The following LMO7 variants were observed in gnomAD, a reference collection of about 807,000 sequenced individuals.
The protein encoded by LMO7 is LIM domain only protein 7.
LMO7 carries 120 observed loss-of-function variants against 206.5 expected under a neutral mutation model. The ratio of observed to expected loss-of-function variants is 0.58; its 90% confidence interval spans 0.50 to 0.68. The LOEUF (loss-of-function observed/expected upper bound fraction) is 0.68, where lower values mean the gene tolerates loss of function less well. LMO7 is among the 30% of genes least tolerant of loss of function. LMO7 has a pLI of 0.00. For synonymous variants in LMO7, 706 were observed against 681.5 expected, an observed-to-expected ratio of 1.04 and a Z score of -0.56; for missense variants, 1,959 against 1,957.9, an observed-to-expected ratio of 1.00 and a Z score of -0.01.
At chr13:75,626,031 G>C (rs117818222) in intron 2 of LMO7, among the ~76,000 whole-genome samples, 2,316 of 152,212 alleles carry the variant, frequency 0.015, 27 homozygotes, top group Non-Finnish European at 0.023. Flanking sequence ...GTGAGGGTGA[G>C]GTTCGCTTAA....
intron 4 of LMO7, among the ~76,000 whole-genome samples, chr13:75,777,110 A>G (rs527620397): frequency 6.6e-6 from 1 of 152,348 alleles, no homozygotes; most frequent in East Asian, 1.9e-4. Flanking sequence ...TTTTCACTGC[A>G]TCTCATCGCC....
intron 1 of LMO7, among the ~76,000 whole-genome samples, chr13:75,656,104 T>A (rs1252225578): frequency 1.3e-5 from 2 of 152,332 alleles, no homozygotes; most frequent in South Asian, 2.1e-4. Context: ...CCCTTTGGGA[T>A]CCAGGTCTAT....
intron 3 of LMO7, among the ~76,000 whole-genome samples, chr13:75,751,285 C>G (rs965094856): frequency 1.7e-4 from 26 of 149,588 alleles, no homozygotes; most frequent in African/African-American, 5.4e-4. Context: ...CTCAGCCTCC[C>G]GAATAGCTGG....
At chr13:75,807,399 C>T (rs2055685195) in intron 9 of LMO7, 81 bp from the exon 10 acceptor site, 2 of 1,461,256 alleles carry the variant, frequency 1.4e-6, no homozygotes, top group Non-Finnish European at 9.2e-7. Flanking sequence ...TGCTAATCAC[C>T]TTTGGCTAGT....
intron 4 of LMO7, among the ~76,000 whole-genome samples, chr13:75,780,780 G>T (rs556724516): frequency 1.8e-4 from 28 of 152,240 alleles, no homozygotes; most frequent in African/African-American, 6.5e-4. Context: ...GTATTCATTT[G>T]GGGAACTAAT....
chr13:75,752,761 G>C (rs907003150), intron 3 of LMO7, among the ~76,000 whole-genome samples: 1 of 152,212 alleles, frequency 6.6e-6, no homozygotes, highest in African/African-American at 2.4e-5. Flanking sequence ...CAAAAGACAT[G>C]ATTTCATTTT....
intron 4 of LMO7, among the ~76,000 whole-genome samples, chr13:75,766,467 T>C (rs2048901161): frequency 6.6e-6 from 1 of 151,770 alleles, no homozygotes. Flanking sequence ...ACTTGTTTGT[T>C]ATATAATGAG....
chr13:75,794,353 G>C (rs1424978929), intron 4 of LMO7, among the ~76,000 whole-genome samples: 1 of 152,042 alleles, frequency 6.6e-6, no homozygotes, highest in African/African-American at 2.4e-5. Context: ...GCTCTTCTTA[G>C]GTTCATTTCA....
chr13:75,749,251 C>G lies in LMO7; in HGVS notation c.211-11681C>G, dbSNP rs180991375. Among the ~76,000 whole-genome samples the G allele has an allele frequency of 3.3e-5, 5 of 152,254 alleles. 1 individual carries two copies. Among genetic ancestry groups the G allele is most frequent in the African/African-American group, 1.2e-4 (5 of 41,554 alleles). The stretch of plus-strand genomic sequence containing the variant: ...CTTTAAAGTTTTACCACATAGTGTT[C>G]CTTGTTAAATACGTGTTAGTGCTTC... On this transcript the variant is annotated intron_variant, in intron 3 of 30. Transcript: ENST00000377534.
chr13:75,717,903 A>G (rs544603326), intron 2 of LMO7, among the ~76,000 whole-genome samples: 1 of 152,230 alleles, frequency 6.6e-6, no homozygotes, highest in African/African-American at 2.4e-5. Context: ...CAGCATGCCA[A>G]CACTATTAAC....
intron 1 of LMO7, among the ~76,000 whole-genome samples, chr13:75,709,280 C>A (rs954133169): frequency 2.0e-5 from 3 of 152,296 alleles, no homozygotes; most frequent in African/African-American, 7.2e-5. Context: ...GTCTTTATAG[C>A]AGCATGATTT....
At chr13:75,781,590 A>C (rs978014192) in intron 4 of LMO7, among the ~76,000 whole-genome samples, 1 of 151,890 alleles carries the variant, frequency 6.6e-6, no homozygotes, top group Non-Finnish European at 1.5e-5. Flanking sequence ...ATAAACATAC[A>C]TGTGCATGTG....
At chr13:75,804,211 C>G in intron 7 of LMO7, 78 bp from the exon 8 acceptor site, 1 of 1,455,156 alleles carries the variant, frequency 6.9e-7, no homozygotes, top group South Asian at 1.3e-5. Context: ...AAGGGAAAGA[C>G]AAAGCAGGCG....
intron 4 of LMO7, among the ~76,000 whole-genome samples, chr13:75,770,177 A>AT (rs2049440109): frequency 9.5e-5 from 1 of 10,520 alleles, no homozygotes; most frequent in African/African-American, 2.1e-4. Flanking sequence ...TTTGGTGATG[A>AT]ATTTTTTTTT....
In LMO7 at chr13:75,807,906, C is replaced by T. The variant is rs575740263; in HGVS notation, c.1623C>T (p.Val541=). ...LSGAPDRYHP[V]PFPEPWTLPP... Reference sequence around the variant, plus strand: ...GGGCCCCAGATAGATACCACCCAGTCCCTTTTCCCGAACCCTGGACTCTTC... The same window carrying T: ...GGGCCCCAGATAGATACCACCCAGTTCCTTTTCCCGAACCCTGGACTCTTC... Residue 541 remains valine, a synonymous_variant, in exon 10 of 31, where the codon GTC becomes GTT. Coordinates refer to ENST00000377534, the MANE Select transcript of LMO7 (RefSeq NM_001306080.2). 39 of 1,613,926 alleles carry T rather than the reference C, an allele frequency of 2.4e-5. No individual in the cohort carries two copies. The Admixed American group carries it at 6.2e-4, about 26-fold the overall frequency.
At chr13:75,633,159 C>T (rs965701888), upstream of LMO7, among the ~76,000 whole-genome samples, 9 of 151,936 alleles carry the variant, frequency 5.9e-5, no homozygotes, top group African/African-American at 1.7e-4. Context: ...CACTGTGCCT[C>T]GCCGCACTTA....
chr13:75,805,097 G>A (rs770354388), intron 8 of LMO7: 12 of 1,019,140 alleles, frequency 1.2e-5, no homozygotes, highest in African/African-American at 3.4e-5. Flanking sequence ...ATTCTTGTCC[G>A]CAAATATTTT....
chr13:75,835,144 C>T (rs1406754135), intron 17 of LMO7, 89 bp from the exon 18 acceptor site: 1 of 1,555,596 alleles, frequency 6.4e-7, no homozygotes, highest in Admixed American at 2.0e-5. Context: ...TCTTCATGTG[C>T]CAATCAGACT....
At chr13:75,680,562 G>A (rs2040392618) in intron 1 of LMO7, among the ~76,000 whole-genome samples, 1 of 142,778 alleles carries the variant, frequency 7.0e-6, no homozygotes, top group Non-Finnish European at 1.6e-5. Context: ...AGCATCTGTT[G>A]TTTCTTGACT....
Sources: gnomAD v4.1 joint callset for allele counts (sites outside exome capture counted in the v4.1 genomes callset) on GRCh38, gnomAD v4.1.1 for gene constraint, MANE v1.5 for transcripts, NCBI Gene and HGNC (gene_info 2026-07-23, HGNC 2026-07-21) for gene names.